Variants in KIAA0930 observed in about 807,000 individuals in gnomAD.
KIAA0930 encodes uncharacterized protein KIAA0930.
In KIAA0930, 24 loss-of-function variants were observed where a neutral mutation model predicts 43.9. The observed-to-expected ratio is 0.55, with a 90% confidence interval of 0.40 to 0.77. KIAA0930 has a LOEUF of 0.77. KIAA0930 is among the 30% of genes least tolerant of loss of function. The pLI is 0.00. For synonymous variants in KIAA0930, 259 were observed against 216.4 expected, an observed-to-expected ratio of 1.20 and a Z score of -1.73; for missense variants, 461 against 574.2, an observed-to-expected ratio of 0.80 and a Z score of 2.02.
intron 1 of KIAA0930, among the ~76,000 whole-genome samples, chr22:45,229,604 C>T (rs1042031551): frequency 6.6e-6 from 1 of 152,116 alleles, no homozygotes; most frequent in African/African-American, 2.4e-5. Flanking sequence ...AGGAAGAGGC[C>T]ACAGAAGGGC....
intron 1 of KIAA0930, among the ~76,000 whole-genome samples, chr22:45,222,536 T>C (rs2083773423): frequency 6.6e-6 from 1 of 152,086 alleles, no homozygotes; most frequent in South Asian, 2.1e-4. Flanking sequence ...CTCAAACTCC[T>C]GAGCTCAAGC....
intron 1 of KIAA0930, among the ~76,000 whole-genome samples, chr22:45,219,072 C>A (rs572340518): frequency 7.2e-5 from 11 of 152,316 alleles, no homozygotes; most frequent in Non-Finnish European, 1.6e-4. Flanking sequence ...AGGCATTTCA[C>A]GTGAATCCAA....
intron 1 of KIAA0930, chr22:45,226,114 G>A (rs191052954): frequency 3.3e-5 from 13 of 389,786 alleles, no homozygotes; most frequent in African/African-American, 8.3e-5. Flanking sequence ...CCCTGTCCTC[G>A]GTGCGTTCAG....
In KIAA0930 at chr22:45,200,184, G is replaced by A. The variant is rs373412214; in HGVS notation, c.853-149C>T. On this transcript the variant is annotated intron_variant, in intron 7 of 9. Coordinates refer to ENST00000336156, the MANE Select transcript of KIAA0930 (RefSeq NM_001009880.2). ...AGGAGGACCCAGGCCCAGCCGGCCC[G>A]TGCTAGGTGGGGCCTAGAGACTGGA... 50 of 710,924 alleles carry A rather than the reference G, an allele frequency of 7.0e-5. No individual in the cohort carries two copies. The Middle Eastern group carries it at 1.3e-3, about 18-fold the overall frequency. 44.0% of individuals were successfully genotyped at this position (710,924 alleles called of 1,614,324 possible).
chr22:45,225,675 A>G (rs921072172), intron 1 of KIAA0930, among the ~76,000 whole-genome samples: 1 of 151,736 alleles, frequency 6.6e-6, no homozygotes, highest in Admixed American at 6.6e-5. Context: ...CTCAGGGGCC[A>G]CCTCCACCTT....
chr22:45,228,404 G>C (rs1467274174), intron 1 of KIAA0930, among the ~76,000 whole-genome samples: 1 of 152,160 alleles, frequency 6.6e-6, no homozygotes, highest in East Asian at 1.9e-4. Context: ...CTGAGGCACA[G>C]CGCTGCCACC....
intron 1 of KIAA0930, chr22:45,213,277 C>T: frequency 4.6e-6 from 6 of 1,292,294 alleles, no homozygotes; most frequent in Non-Finnish European, 6.1e-6. Context: ...CCTCAGCCCT[C>T]TGCCCTCTGC....
intron 8 of KIAA0930, 149 bp from the exon 9 acceptor site, chr22:45,198,097 C>T: frequency 1.4e-6 from 1 of 703,978 alleles, no homozygotes; most frequent in Non-Finnish European, 2.4e-6. Flanking sequence ...CCACACGCTC[C>T]AGAGCTGCTG....
intron 1 of KIAA0930, chr22:45,212,568 G>A (rs1319084639): frequency 1.5e-5 from 21 of 1,388,230 alleles, no homozygotes; most frequent in East Asian, 2.6e-5. Context: ...GCGGGAACCC[G>A]ACTTAAAGGG....
intron 1 of KIAA0930, among the ~76,000 whole-genome samples, chr22:45,216,474 G>C (rs1456753395): frequency 6.6e-6 from 1 of 151,990 alleles, no homozygotes; most frequent in African/African-American, 2.4e-5. Context: ...AGTGTGGCCT[G>C]CTTGGATGAC....
intron 1 of KIAA0930, among the ~76,000 whole-genome samples, chr22:45,240,177 A>G (rs1032789551): frequency 2.6e-5 from 4 of 152,240 alleles, no homozygotes; most frequent in African/African-American, 9.6e-5. Context: ...AGCAGGAGAC[A>G]GTGGCCAGGG....
In KIAA0930 at chr22:45,203,786, G is replaced by A. The variant is rs2083611073; in HGVS notation, c.657+59C>T. 5.1e-6 allele frequency: 8 copies of A among 1,571,904 alleles called. 1 individual carries two copies. In the South Asian group the frequency reaches 7.0e-5, roughly 14 times the overall value. ...GGCCCCATGGTATGGACCACGGTGG[G>A]CTGTGGAGCCGCCGTCCCCGGGCCC... On this transcript the variant is annotated intron_variant, in intron 6 of 9. Transcript: ENST00000336156.
At chr22:45,198,277 T>A (rs2083555519) in intron 8 of KIAA0930, among the ~76,000 whole-genome samples, 1 of 152,160 alleles carries the variant, frequency 6.6e-6, no homozygotes, top group Admixed American at 6.5e-5. Context: ...GCAGGCCCTG[T>A]CCCTGGAACT....
chr22:45,229,587 A>G (rs928403003), intron 1 of KIAA0930, among the ~76,000 whole-genome samples: 1 of 152,140 alleles, frequency 6.6e-6, no homozygotes, highest in Non-Finnish European at 1.5e-5. Flanking sequence ...GATTCCACCA[A>G]CGGGTCAGGA....
In KIAA0930 at chr22:45,203,188, G is replaced by C; in HGVS notation, c.658-4C>G. ...CCATGCGGGCGGCCACGCTCACCTG[G>C]GGGCCGGCGCGGGGCAGCCTGAGTC... On this transcript the variant is annotated splice_region_variant and splice_polypyrimidine_tract_variant and intron_variant, in intron 6 of 9. Coordinates refer to ENST00000336156, the MANE Select transcript of KIAA0930 (RefSeq NM_001009880.2). 6.3e-7 allele frequency: 1 copy of C among 1,594,364 alleles called. No homozygotes were observed.
intron 1 of KIAA0930, among the ~76,000 whole-genome samples, chr22:45,215,225 T>G (rs1175234254): frequency 6.6e-6 from 1 of 152,024 alleles, no homozygotes; most frequent in Non-Finnish European, 1.5e-5. Flanking sequence ...CTCAAAAAAT[T>G]AATTAATTTA....
intron 2 of KIAA0930, among the ~76,000 whole-genome samples, chr22:45,210,398 G>T (rs1391547628): frequency 1.3e-4 from 20 of 152,108 alleles, no homozygotes; most frequent in Non-Finnish European, 2.9e-4. Context: ...CCGCCATGAG[G>T]GTCACGGGCA....
rs566453892 is a variant in KIAA0930, at chr22:45,211,024, A to G, written c.216+932T>C. Among the ~76,000 whole-genome samples the G allele has an allele frequency of 4.6e-5, 7 of 152,228 alleles. No individual in the cohort carries two copies. The South Asian group carries it at 1.5e-3, about 32-fold the overall frequency. Reference sequence around the variant, plus strand: ...CTGCTGGTCCCTCCAAAGTGGGGCTAGCTCAGGGCTCGGGGCCAGCATGCA... The same window carrying G: ...CTGCTGGTCCCTCCAAAGTGGGGCTGGCTCAGGGCTCGGGGCCAGCATGCA... On this transcript the variant is annotated intron_variant, in intron 2 of 9. Coordinates refer to ENST00000336156, the MANE Select transcript of KIAA0930 (RefSeq NM_001009880.2).
At chr22:45,220,380 A>G (rs1232383433) in intron 1 of KIAA0930, among the ~76,000 whole-genome samples, 2 of 152,018 alleles carry the variant, frequency 1.3e-5, no homozygotes, top group African/African-American at 2.4e-5. Flanking sequence ...GCTTGAATCC[A>G]GGAGGCGGAG....
Sources: allele counts gnomAD v4.1 joint callset (sites outside exome capture counted in the v4.1 genomes callset), GRCh38; gene constraint gnomAD v4.1.1; transcripts MANE v1.5; gene names NCBI Gene and HGNC (gene_info 2026-07-23, HGNC 2026-07-21).